FAM228B: variants seen among roughly 807,000 people sequenced by gnomAD.
The protein encoded by FAM228B is protein FAM228B.
Under a neutral mutation model 42.6 loss-of-function variants are expected in FAM228B, and 38 were observed. That is an observed-to-expected ratio of 0.89 (90% CI 0.69 to 1.17). The LOEUF (loss-of-function observed/expected upper bound fraction) is 1.17, where lower values mean the gene tolerates loss of function less well. FAM228B is among the 50% of genes most tolerant of loss of function. The pLI is 0.00. For synonymous variants in FAM228B, 109 were observed against 122.3 expected (o/e 0.89, Z 0.72); for missense variants, 344 against 367.3 (o/e 0.94, Z 0.52).
upstream of FAM228B, chr2:24,121,202 T>G (rs142176262): frequency 2.6e-4 from 423 of 1,614,070 alleles, no homozygotes; most frequent in Admixed American, 4.0e-4. Flanking sequence ...CCCGGACACA[T>G]CTGTAATCTT....
chr2:24,120,872 CTTTT>C (rs35518003), upstream of FAM228B, among the ~76,000 whole-genome samples: 1 of 141,834 alleles, frequency 7.1e-6, no homozygotes. Flanking sequence ...ATGATTATCT[CTTTT>C]TTTTTTTTTT....
At chr2:24,162,165 C>T (rs1173866686) in intron 8 of FAM228B, among the ~76,000 whole-genome samples, 1 of 152,000 alleles carries the variant, frequency 6.6e-6, no homozygotes. Flanking sequence ...AAATAACAAA[C>T]ACAGAAATGG....
At chr2:24,135,027 G>T in intron 2 of FAM228B, 92 bp from the exon 3 acceptor site, 1 of 817,306 alleles carries the variant, frequency 1.2e-6, no homozygotes, top group Non-Finnish European at 2.0e-6. Flanking sequence ...GAACTTTCCA[G>T]GGATATGTCT....
chr2:24,161,206 G>C (rs181342825), intron 7 of FAM228B, among the ~76,000 whole-genome samples: 1 of 152,244 alleles, frequency 6.6e-6, no homozygotes, highest in East Asian at 1.9e-4. Context: ...AGCACTTTAG[G>C]AGGCCGAGGC....
chr2:24,147,421 A>T (rs898655354), intron 7 of FAM228B, among the ~76,000 whole-genome samples: 1 of 151,418 alleles, frequency 6.6e-6, no homozygotes, highest in Admixed American at 6.6e-5. Flanking sequence ...TATGTCTTTT[A>T]TTATTTTGGG....
At chr2:24,110,592 C>G (rs1486902038) in intron 3 of FAM228B, among the ~76,000 whole-genome samples, 1 of 152,208 alleles carries the variant, frequency 6.6e-6, no homozygotes, top group Non-Finnish European at 1.5e-5. Context: ...CCTCCATGTG[C>G]TGGGAGGCGC....
At chr2:24,139,869 C>T (rs556610027) in intron 5 of FAM228B, among the ~76,000 whole-genome samples, 16 of 152,020 alleles carry the variant, frequency 1.1e-4, no homozygotes, top group Non-Finnish European at 2.2e-4. Flanking sequence ...TGTATGTATT[C>T]ACATTTTTAT....
intron 7 of FAM228B, among the ~76,000 whole-genome samples, chr2:24,150,639 G>T (rs1667002903): frequency 6.6e-6 from 1 of 152,004 alleles, no homozygotes; most frequent in African/African-American, 2.4e-5. Flanking sequence ...TGGCCAGGCT[G>T]GTCTTGAACT....
intron 10 of FAM228B, among the ~76,000 whole-genome samples, chr2:24,168,480 G>C (rs915295843): frequency 2.0e-5 from 3 of 152,192 alleles, no homozygotes; most frequent in Non-Finnish European, 4.4e-5. Flanking sequence ...GTAAAATGAG[G>C]ACTGGGGAGA....
At position 24,084,354 on chromosome 2, in the gene FAM228B, G is replaced by GACA. The variant is rs1424076348; in HGVS notation, c.-210+3399_-210+3400insACA. The GACA allele has an allele frequency of 2.2e-6, 3 of 1,389,102 alleles. No individual in the cohort carries two copies. The highest frequency in any genetic ancestry group is 5.1e-5 in the East Asian group (2 of 39,074). 86.0% of individuals were successfully genotyped at this position (1,389,102 alleles called of 1,614,324 possible). A position where few individuals can be genotyped will look rare whatever the true frequency, so the allele number is the denominator to read the frequency against. Reference sequence around the variant, plus strand: ...TGTCTGAGGACACAGGGCAGGGCAGGGCAGGACAGGACAGGGCAGGGCAGG... The same window carrying GACA: ...TGTCTGAGGACACAGGGCAGGGCAGGACAGCAGGACAGGACAGGGCAGGGCAGG... On this transcript the variant is annotated intron_variant, in intron 2 of 10. Coordinates refer to the FAM228B transcript ENST00000613899. The surrounding 1 kb of genome is among the most constrained non-coding windows in gnomAD (Gnocchi z 8.4).
upstream of FAM228B, among the ~76,000 whole-genome samples, chr2:24,119,370 A>C (rs1441401506): frequency 6.6e-6 from 1 of 152,200 alleles, no homozygotes; most frequent in Non-Finnish European, 1.5e-5. Context: ...TCAAGACAGA[A>C]TCCTAGCAGT....
chr2:24,153,113 C>A (rs1667059414), intron 7 of FAM228B, among the ~76,000 whole-genome samples: 1 of 152,176 alleles, frequency 6.6e-6, no homozygotes, highest in Admixed American at 6.5e-5. Context: ...TGGTTGAGGG[C>A]AGGTCCAGAA....
intron 7 of FAM228B, among the ~76,000 whole-genome samples, chr2:24,150,075 T>G (rs552988020): frequency 2.6e-5 from 4 of 151,978 alleles, no homozygotes; most frequent in Non-Finnish European, 2.9e-5. Context: ...GTTGTTGTAA[T>G]TATTTTTGAT....
intron 3 of FAM228B, chr2:24,115,349 T>A: frequency 1.9e-6 from 1 of 516,952 alleles, no homozygotes; most frequent in East Asian, 3.3e-5. Flanking sequence ...CTCTGTGAAA[T>A]GATCAGTGCT....
chr2:24,083,726 C>T (rs900239630), intron 2 of FAM228B, among the ~76,000 whole-genome samples: 3 of 152,172 alleles, frequency 2.0e-5, no homozygotes, highest in African/African-American at 2.4e-5. Context: ...GAGTACTGCC[C>T]GCTGTCAGCT....
intron 5 of FAM228B, among the ~76,000 whole-genome samples, chr2:24,140,819 G>A (rs892917567): frequency 3.3e-5 from 5 of 151,634 alleles, no homozygotes; most frequent in African/African-American, 1.2e-4. Flanking sequence ...AAAATTAGCC[G>A]GGTGTGGTGG....
At chr2:24,139,502 G>T in intron 5 of FAM228B, 52 bp downstream of exon 5, 1 of 1,119,472 alleles carries the variant, frequency 8.9e-7, no homozygotes, top group South Asian at 1.4e-5. Flanking sequence ...TGGTTGTTTT[G>T]AGCAGCCCTA....
chr2:24,148,833 T>G (rs895598633), intron 7 of FAM228B, among the ~76,000 whole-genome samples: 1 of 152,168 alleles, frequency 6.6e-6, no homozygotes, highest in African/African-American at 2.4e-5. Flanking sequence ...CCTTCTATTT[T>G]TTTGTCCCCA....
chr2:24,082,753 G>A lies in FAM228B; in HGVS notation c.-210+1798G>A, dbSNP rs1665061384. The A allele has an allele frequency of 3.1e-6, 4 of 1,271,536 alleles. No individual in the cohort carries two copies. In the South Asian group the frequency reaches 4.7e-5, roughly 15 times the overall value. The allele number at this position is 1,271,536 out of a possible 1,614,324, so 78.8% of individuals were successfully genotyped here. A position where few individuals can be genotyped will look rare whatever the true frequency, so the allele number is the denominator to read the frequency against. ...CTCAACATTAAACCCTTCTAACATG[G>A]TTTGAGGACCTGACAATACAGGTGA... On this transcript the variant is annotated intron_variant, in intron 2 of 10. Coordinates refer to the FAM228B transcript ENST00000613899.
Sources: allele counts gnomAD v4.1 joint callset (sites outside exome capture counted in the v4.1 genomes callset), GRCh38; gene constraint gnomAD v4.1.1; non-coding constraint Gnocchi (gnomAD v3.1); transcripts MANE v1.5; gene names NCBI Gene and HGNC (gene_info 2026-07-23, HGNC 2026-07-21).